Variants in IMMP2L observed in about 807,000 individuals in gnomAD.
The protein encoded by IMMP2L is mitochondrial inner membrane protease subunit 2.
In IMMP2L, 18 loss-of-function variants were observed where a neutral mutation model predicts 19.3. The ratio of observed to expected loss-of-function variants is 0.93; its 90% CI spans 0.64 to 1.38. The LOEUF is 1.38. IMMP2L is among the 40% of genes most tolerant of loss of function. The pLI is 0.00. For missense variants in IMMP2L, 233 were observed against 218.2 expected, an observed-to-expected ratio of 1.07 and a Z score of -0.43; for synonymous variants, 76 against 73.0, an observed-to-expected ratio of 1.04 and a Z score of -0.21.
chr7:111,530,980 A>G (rs1414014057), intron 1 of IMMP2L, among the ~76,000 whole-genome samples: 1 of 149,992 alleles, frequency 6.7e-6, no homozygotes, highest in Non-Finnish European at 1.5e-5. Context: ...TTTTTGAGGC[A>G]GAGTCTTGCT....
intron 4 of IMMP2L, among the ~76,000 whole-genome samples, chr7:110,897,875 T>C (rs1253364443): frequency 6.6e-6 from 1 of 152,142 alleles, no homozygotes; most frequent in Non-Finnish European, 1.5e-5. Context: ...TAAAAGCCAC[T>C]ATATGCAAAT....
At chr7:111,321,244 G>A (rs909950674) in intron 3 of IMMP2L, among the ~76,000 whole-genome samples, 10 of 152,066 alleles carry the variant, frequency 6.6e-5, no homozygotes, top group East Asian at 1.9e-4. Flanking sequence ...TGTCCATACA[G>A]TGAGAATGTA....
At chr7:111,395,712 A>G (rs1832798439) in intron 3 of IMMP2L, among the ~76,000 whole-genome samples, 1 of 152,208 alleles carries the variant, frequency 6.6e-6, no homozygotes. Context: ...AACTATCTAT[A>G]GTAATATTAT....
At chr7:110,971,632 C>T (rs1414767650) in intron 3 of IMMP2L, among the ~76,000 whole-genome samples, 3 of 152,246 alleles carry the variant, frequency 2.0e-5, no homozygotes, top group East Asian at 1.9e-4. Flanking sequence ...AAAGCTCTTA[C>T]ATTTATCCTG....
At chr7:111,167,885 G>T (rs1045993933) in intron 3 of IMMP2L, among the ~76,000 whole-genome samples, 3 of 151,880 alleles carry the variant, frequency 2.0e-5, no homozygotes, top group African/African-American at 7.2e-5. Flanking sequence ...ATTCTTTCAT[G>T]AACCGGAATA....
intron 3 of IMMP2L, among the ~76,000 whole-genome samples, chr7:111,453,831 A>C (rs113472256): frequency 0.023 from 3,536 of 152,304 alleles, 141 homozygotes; most frequent in African/African-American, 0.08. Context: ...CATTTATAAA[A>C]TGATTGCCTT....
rs537737058 is a variant in IMMP2L at position 110,963,005 on chromosome 7, T to C, written c.305+495A>G. 2.3e-5 allele frequency: 34 copies of C among 1,500,374 alleles called. No individual in the cohort carries two copies. The South Asian group carries it at 4.0e-4, about 18-fold the overall frequency. 92.9% of individuals were successfully genotyped at this position (1,500,374 alleles called of 1,614,324 possible). On this transcript the variant is annotated intron_variant, in intron 4 of 5. Transcript: ENST00000405709. ...ACTAAAGGCTGCTTAAACACCTGAT[T>C]GTTACAATCTTATCATCTAAAGCTT...
chr7:111,058,772 C>CCAA, intron 3 of IMMP2L, among the ~76,000 whole-genome samples: 1 of 152,126 alleles, frequency 6.6e-6, no homozygotes, highest in Non-Finnish European at 1.5e-5. Flanking sequence ...ACACCCACCC[C>CCAA]CAACAAATGA....
chr7:111,143,698 G>A (rs1803176789), intron 3 of IMMP2L, among the ~76,000 whole-genome samples: 1 of 152,120 alleles, frequency 6.6e-6, no homozygotes, highest in Non-Finnish European at 1.5e-5. Context: ...ACTGTGGAAA[G>A]GCACAGAAAG....
At chr7:110,913,736 C>A (rs1422060343) in intron 4 of IMMP2L, among the ~76,000 whole-genome samples, 1 of 152,152 alleles carries the variant, frequency 6.6e-6, no homozygotes, top group Non-Finnish European at 1.5e-5. Flanking sequence ...CATGTCCATG[C>A]AGCTTCTTTT....
At chr7:110,948,852 G>A (rs1817515078) in intron 4 of IMMP2L, among the ~76,000 whole-genome samples, 1 of 152,144 alleles carries the variant, frequency 6.6e-6, no homozygotes, top group South Asian at 2.1e-4. Flanking sequence ...ACGTGGACGG[G>A]CATCATCCAA....
intron 3 of IMMP2L, among the ~76,000 whole-genome samples, chr7:111,263,612 G>A (rs1356421289): frequency 6.6e-6 from 1 of 152,078 alleles, no homozygotes; most frequent in Non-Finnish European, 1.5e-5. Flanking sequence ...ATAAATTTGG[G>A]AGTCATCAGC....
At chr7:110,965,854 A>C (rs977486816) in intron 3 of IMMP2L, among the ~76,000 whole-genome samples, 1 of 152,024 alleles carries the variant, frequency 6.6e-6, no homozygotes, top group Non-Finnish European at 1.5e-5. Context: ...TCTCTATATA[A>C]ACTGTTTGGT....
At chr7:111,300,890 G>A (rs1482546052) in intron 3 of IMMP2L, among the ~76,000 whole-genome samples, 14 of 152,036 alleles carry the variant, frequency 9.2e-5, no homozygotes, top group Non-Finnish European at 2.9e-5. Flanking sequence ...CAATAAAGTT[G>A]CTACAAACAT....
At chr7:111,419,961 G>A (rs1340312363) in intron 3 of IMMP2L, among the ~76,000 whole-genome samples, 1 of 151,238 alleles carries the variant, frequency 6.6e-6, no homozygotes, top group Non-Finnish European at 1.5e-5. Context: ...TGGATACACG[G>A]CTTCAGTTTG....
intron 5 of IMMP2L, among the ~76,000 whole-genome samples, chr7:110,673,612 T>G (rs4730446): frequency 0.23 from 35,342 of 152,154 alleles, 4,836 homozygotes; most frequent in Middle Eastern, 0.34. Context: ...TTCCGGCAGA[T>G]ATCCTAAATC....
intron 5 of IMMP2L, among the ~76,000 whole-genome samples, chr7:110,779,575 T>C (rs1367097719): frequency 1.3e-5 from 2 of 152,012 alleles, no homozygotes; most frequent in South Asian, 4.1e-4. Flanking sequence ...ACAGCATGTG[T>C]AGCAAAACAG....
At position 110,924,408 on chromosome 7, in the gene IMMP2L, A is replaced by G. The variant is rs1814628333; in HGVS notation, c.306-37713T>C. Among the ~76,000 whole-genome samples, 3 of 152,120 alleles carry G rather than the reference A, an allele frequency of 2.0e-5. No individual in the cohort carries two copies. Among genetic ancestry groups the G allele is most frequent in the South Asian group, 2.1e-4 (1 of 4,828 alleles). On this transcript the variant is annotated intron_variant, in intron 4 of 5. Coordinates refer to ENST00000405709, the MANE Select transcript of IMMP2L (RefSeq NM_032549.4). This position sits in a 1 kb window ranked among gnomAD's most constrained non-coding sequence, Gnocchi z 4.2. The stretch of plus-strand genomic sequence containing the variant: ...CTACCTTTGCCAACGGAGTCCTGCA[A>G]TGACATACCAGACTCATTAAAGGGG...
chr7:111,185,316 A>T, intron 3 of IMMP2L, among the ~76,000 whole-genome samples: 1 of 152,166 alleles, frequency 6.6e-6, no homozygotes, highest in East Asian at 1.9e-4. Flanking sequence ...GTGTGTGTTA[A>T]TGAGACCCTC....
Sources: allele counts gnomAD v4.1 joint callset (sites outside exome capture counted in the v4.1 genomes callset), GRCh38; gene constraint gnomAD v4.1.1; non-coding constraint Gnocchi (gnomAD v3.1); transcripts MANE v1.5; gene names NCBI Gene and HGNC (gene_info 2026-07-23, HGNC 2026-07-21).